The following NDEL1 variants were observed in gnomAD, a reference collection of about 807,000 sequenced individuals.
NDEL1 encodes nudE neurodevelopment protein 1 like 1, also known as nuclear distribution protein nudE-like 1.
A neutral mutation model predicts 45.7 loss-of-function variants in NDEL1; 9 were observed. That is an observed-to-expected ratio of 0.20 (90% confidence interval 0.12 to 0.34). NDEL1 has a LOEUF of 0.34. Among genes scored for constraint, NDEL1 ranks in the 10% least tolerant of loss-of-function variants. The pLI is 1.00. For missense variants in NDEL1, 306 were observed against 406.2 expected, an observed-to-expected ratio of 0.75 and a Z score of 2.12; for synonymous variants, 133 against 158.6, an observed-to-expected ratio of 0.84 and a Z score of 1.21.
intron 1 of NDEL1, among the ~76,000 whole-genome samples, chr17:8,415,399 A>C: frequency 6.8e-6 from 1 of 146,948 alleles, no homozygotes; most frequent in Non-Finnish European, 1.5e-5. Flanking sequence ...TTATATGTAT[A>C]CTTTTTTTTG....
At chr17:8,423,592 G>A (rs1908754172) in intron 1 of NDEL1, among the ~76,000 whole-genome samples, 3 of 152,180 alleles carry the variant, frequency 2.0e-5, no homozygotes, top group African/African-American at 7.2e-5. Flanking sequence ...GCTGAGGCAG[G>A]AGAATTGCTT....
In NDEL1 at chr17:8,444,279, G is replaced by T; in HGVS notation, c.8G>T (p.Gly3Val). MD[G>V]EDIPDFSSLK... ...TCACAGGCTTTCTTGATCATGGATG[G>T]TGAAGATATACCAGATTTTTCAAGT... is the stretch of plus-strand genomic sequence containing the variant. Residue 3 changes from glycine (G) to valine (V), a missense_variant, in exon 2 of 9, where the codon GGT becomes GTT. By Grantham distance (109) the Gly-to-Val change is moderately radical. This residue lies in a region of NDEL1 where 112 missense variants were observed against 148.3 expected (regional missense o/e 0.76). Coordinates refer to ENST00000334527, the MANE Select transcript of NDEL1 (RefSeq NM_030808.5). 2 of 1,609,556 alleles carry T rather than the reference G, an allele frequency of 1.2e-6. No individual in the cohort carries two copies. Among genetic ancestry groups the T allele is most frequent in the Non-Finnish European group, 1.7e-6 (2 of 1,176,200 alleles).
At chr17:8,437,692 T>G (rs1180461009) in intron 1 of NDEL1, among the ~76,000 whole-genome samples, 1 of 152,218 alleles carries the variant, frequency 6.6e-6, no homozygotes, top group Non-Finnish European at 1.5e-5. Flanking sequence ...GAAAGAACTC[T>G]TCTAACGTCA....
At chr17:8,446,325 C>G (rs1398010369) in intron 3 of NDEL1, among the ~76,000 whole-genome samples, 1 of 152,090 alleles carries the variant, frequency 6.6e-6, no homozygotes, top group East Asian at 1.9e-4. Context: ...TTTCTCTGCC[C>G]TTTACCATCT....
intron 1 of NDEL1, among the ~76,000 whole-genome samples, chr17:8,423,710 A>C (rs951069771): frequency 2.0e-5 from 3 of 152,130 alleles, no homozygotes; most frequent in Non-Finnish European, 2.9e-5. Flanking sequence ...ACAAACAAAA[A>C]AGGAGGGAAT....
intron 1 of NDEL1, among the ~76,000 whole-genome samples, chr17:8,422,936 A>G (rs1444638255): frequency 6.6e-6 from 1 of 151,798 alleles, no homozygotes; most frequent in Non-Finnish European, 1.5e-5. Context: ...GGGTTTCATC[A>G]TGTTGGCTGG....
At position 8,415,915 on chromosome 17, in the gene NDEL1, T is replaced by C. The variant is rs191121842; in HGVS notation, c.-13+2646T>C. Among the ~76,000 whole-genome samples the C allele has an allele frequency of 3.5e-3, 533 of 152,226 alleles. 5 individuals carry two copies. Among genetic ancestry groups the C allele is most frequent in the African/African-American group, 0.012 (516 of 41,540 alleles). ...GGCGCCTGCCACCATGTCCGGCTAC[T>C]TTTTTGTATTTTTAGTAGAGATGGG... On this transcript the variant is annotated intron_variant, in intron 1 of 4. Coordinates refer to the NDEL1 transcript ENST00000582812.
At chr17:8,472,877 T>C (rs1193177113), downstream of NDEL1, among the ~76,000 whole-genome samples, 2 of 152,190 alleles carry the variant, frequency 1.3e-5, no homozygotes, top group Admixed American at 1.3e-4. Flanking sequence ...AAGTCTTGCC[T>C]GAGTTCCTCC....
downstream of NDEL1, among the ~76,000 whole-genome samples, chr17:8,469,854 C>T (rs796682745): frequency 4.4e-4 from 60 of 135,222 alleles, 1 homozygote; most frequent in African/African-American, 1.5e-3. Context: ...GCCGCCATGC[C>T]TGGCTAATTT....
In NDEL1 at chr17:8,461,382, G is replaced by T. The variant is rs542854864; in HGVS notation, c.944+1222G>T. The T allele has an allele frequency of 7.2e-5, 11 of 152,122 alleles. 1 individual carries two copies. Among genetic ancestry groups the T allele is most frequent in the Admixed American group, 5.2e-4 (8 of 15,278 alleles). The allele number at this position is 152,122 out of a possible 1,614,324, so 9.4% of individuals were successfully genotyped here. On this transcript the variant is annotated intron_variant, in intron 8 of 8. Transcript: ENST00000334527. ...TCCTAAAACATCACTATACAAATTA[G>T]AACTTTATTCTTTCTTAAAAAATTT...
At chr17:8,454,288 A>C (rs1422262516) in intron 6 of NDEL1, among the ~76,000 whole-genome samples, 2 of 152,182 alleles carry the variant, frequency 1.3e-5, no homozygotes, top group Non-Finnish European at 2.9e-5. Flanking sequence ...CAGTAGAGAA[A>C]TGTACAAAGA....
chr17:8,442,777 CTTT>C (rs34963430), intron 1 of NDEL1, among the ~76,000 whole-genome samples: 117 of 84,112 alleles, frequency 1.4e-3, no homozygotes, highest in African/African-American at 5.4e-3. Context: ...TATTTATTTA[CTTT>C]TTTTTTTTTT....
At position 8,417,523 on chromosome 17, in the gene NDEL1, C is replaced by T. The variant is rs557858219; in HGVS notation, c.-13+4254C>T. Among the ~76,000 whole-genome samples, 8 of 152,212 alleles carry T rather than the reference C, an allele frequency of 5.3e-5. No individual in the cohort carries two copies. The East Asian group carries it at 1.2e-3, about 22-fold the overall frequency. On this transcript the variant is annotated intron_variant, in intron 1 of 4. Transcript: ENST00000582812. The stretch of plus-strand genomic sequence containing the variant: ...TTTTTATGTTCAAGGAACTAGAAGC[C>T]GATTGAAGGGTGTTTGGGTCTGTGT...
chr17:8,425,073 T>C (rs1261246502), intron 1 of NDEL1, among the ~76,000 whole-genome samples: 1 of 152,244 alleles, frequency 6.6e-6, no homozygotes, highest in East Asian at 1.9e-4. Context: ...CTCAGTGCTC[T>C]TGTATGCATT....
At chr17:8,451,714 A>G (rs1342988476) in intron 6 of NDEL1, among the ~76,000 whole-genome samples, 2 of 152,072 alleles carry the variant, frequency 1.3e-5, no homozygotes, top group Admixed American at 6.6e-5. Context: ...AAAGCTCTCA[A>G]TTGAGATTTG....
chr17:8,460,073 A>G lies in NDEL1; in HGVS notation c.857A>G (p.Tyr286Cys), dbSNP rs149682278. The change falls in exon 8 of 9, where the codon TAT (tyrosine) becomes TGT (cysteine). Residue 286 changes from tyrosine (Y) to cysteine (C), a missense_variant. Physicochemically the swap from Tyr to Cys is radical, Grantham distance 194. Coordinates refer to ENST00000334527, the MANE Select transcript of NDEL1 (RefSeq NM_030808.5). ...AAGGACCAAGCATCACGAAAATCCT[A>G]TATTTCAGGGAATGTTAACTGTGGG... is the stretch of plus-strand genomic sequence containing the variant. ...FAKDQASRKSYISGNVNCGVL... is the reference protein window; with the variant it reads ...FAKDQASRKSCISGNVNCGVL... The G allele has an allele frequency of 4.5e-5, 72 of 1,614,196 alleles. No individual in the cohort carries two copies. Among genetic ancestry groups the G allele is most frequent in the Non-Finnish European group, 1.2e-5 (14 of 1,180,032 alleles).
At chr17:8,457,328 C>T (rs898650695) in intron 7 of NDEL1, among the ~76,000 whole-genome samples, 6 of 152,182 alleles carry the variant, frequency 3.9e-5, no homozygotes, top group African/African-American at 1.4e-4. Flanking sequence ...GTTCCTCACC[C>T]CACGTTGTTG....
At chr17:8,470,898 C>T (rs936956698), downstream of NDEL1, among the ~76,000 whole-genome samples, 17 of 152,216 alleles carry the variant, frequency 1.1e-4, no homozygotes, top group Non-Finnish European at 2.2e-4. This position sits in a 1 kb window ranked among gnomAD's most constrained non-coding sequence, Gnocchi z 4.2. Flanking sequence ...TTCTTGGCAG[C>T]TGCCCCGGAG....
intron 3 of NDEL1, among the ~76,000 whole-genome samples, chr17:8,473,364 T>C (rs1025278280): frequency 2.6e-5 from 4 of 152,062 alleles, no homozygotes; most frequent in African/African-American, 9.7e-5. Flanking sequence ...TTTTTGTATT[T>C]TTAGTAGAGA....
Sources: allele counts gnomAD v4.1 joint callset (sites outside exome capture counted in the v4.1 genomes callset), GRCh38; gene constraint gnomAD v4.1.1; regional missense constraint gnomAD v4.1.1; non-coding constraint Gnocchi (gnomAD v3.1); transcripts MANE v1.5; gene names NCBI Gene and HGNC (gene_info 2026-07-23, HGNC 2026-07-21).